The following AXL variants were observed in gnomAD, a reference collection of about 807,000 sequenced individuals.
AXL encodes the protein tyrosine-protein kinase receptor UFO.
In AXL, 52 loss-of-function variants were observed where a neutral mutation model predicts 104.5. The observed-to-expected ratio is 0.50, with a 90% CI of 0.40 to 0.63. AXL has a LOEUF of 0.63. AXL is among the 20% of genes least tolerant of loss of function. The pLI is 0.00. For missense variants in AXL, 1,024 were observed against 1,188.5 expected (o/e 0.86, Z 2.04); for synonymous variants, 455 against 473.7 (o/e 0.96, Z 0.51).
At chr19:41,228,741 G>A (rs999743479) in intron 4 of AXL, among the ~76,000 whole-genome samples, 20 of 152,120 alleles carry the variant, frequency 1.3e-4, no homozygotes, top group African/African-American at 4.8e-5. Context: ...AGCAGGGGAC[G>A]AAACAGACAC....
chr19:41,252,931 C>A lies in AXL; in HGVS notation c.1890C>A (p.Ser630Arg). Residue 630 changes from serine to arginine, a missense_variant, in exon 16 of 20, where the codon AGC (serine) becomes AGA (arginine). By Grantham distance (110) the Ser-to-Arg change is moderately radical. Around this residue, in one of 5 missense-constraint regions of AXL, gnomAD observed 523 missense variants for 636.0 expected, o/e 0.82. Transcript: ENST00000301178. ...TCATGAAACATGGAGACCTACACAG[C>A]TTCCTCCTCTATTCCCGGCTCGGGG... ...LPFMKHGDLH[S>R]FLLYSRLGDQ... is the part of the protein sequence containing the mutation. 1 of 1,614,152 alleles carries A rather than the reference C, an allele frequency of 6.2e-7. No homozygotes were observed. Among genetic ancestry groups the A allele is most frequent in the Non-Finnish European group, 8.5e-7 (1 of 1,180,008 alleles).
At position 41,248,815 on chromosome 19, in the gene AXL, T is replaced by C. The variant is rs913467939; in HGVS notation, c.1706T>C (p.Met569Thr). 3.1e-6 allele frequency: 5 copies of C among 1,610,652 alleles called. No individual in the cohort carries two copies. In the Admixed American group the frequency reaches 6.7e-5, roughly 22 times the overall value. The change falls in exon 14 of 20, where the codon ATG (methionine) becomes ACG (threonine). Residue 569 changes from methionine (M) to threonine (T), a missense_variant. Around this residue, in one of 5 missense-constraint regions of AXL, gnomAD observed 523 missense variants for 636.0 expected, o/e 0.82. Coordinates refer to ENST00000301178, the MANE Select transcript of AXL (RefSeq NM_021913.5). Reference protein sequence around the residue: ...DSILKVAVKTMKIAICTRSEL... With the variant: ...DSILKVAVKTTKIAICTRSEL... Reference sequence around the variant, plus strand: ...ATCCTCAAGGTGGCTGTGAAGACGATGAAGAGTGAGTTACGTGCACATGTG... The same window carrying C: ...ATCCTCAAGGTGGCTGTGAAGACGACGAAGAGTGAGTTACGTGCACATGTG...
intron 4 of AXL, chr19:41,226,902 T>C: frequency 1.6e-6 from 1 of 641,858 alleles, no homozygotes; most frequent in Non-Finnish European, 1.9e-6. Flanking sequence ...GAGAGCAGCC[T>C]GGGCAACGTG....
intron 6 of AXL, among the ~76,000 whole-genome samples, chr19:41,232,394 G>A (rs1460045217): frequency 6.6e-6 from 1 of 152,164 alleles, no homozygotes; most frequent in South Asian, 2.1e-4. Flanking sequence ...GGCCAAGGCT[G>A]GTGGATCACC....
chr19:41,249,922 G>A (rs2034334771), intron 14 of AXL, among the ~76,000 whole-genome samples: 1 of 152,230 alleles, frequency 6.6e-6, no homozygotes, highest in South Asian at 2.1e-4. Context: ...ATCCCAAGAG[G>A]AAACCACTAG....
At chr19:41,227,218 C>T (rs557170719) in intron 4 of AXL, among the ~76,000 whole-genome samples, 1 of 152,230 alleles carries the variant, frequency 6.6e-6, no homozygotes, top group Non-Finnish European at 1.5e-5. Context: ...TCCCCTTATT[C>T]ACCAGGATAC....
At position 41,242,901 on chromosome 19, in the gene AXL, CT is replaced by C; in HGVS notation, c.1332del (p.Ala445ProfsTer11). The C allele has an allele frequency of 6.2e-7, 1 of 1,614,208 alleles. No individual in the cohort carries two copies. Among genetic ancestry groups the C allele is most frequent in the Non-Finnish European group, 8.5e-7 (1 of 1,180,038 alleles). On this transcript the variant is annotated frameshift_variant, in exon 11 of 20. Transcript: ENST00000301178. LOFTEE classifies it high-confidence loss of function. The part of the protein sequence containing the change: ...VHQLVKEPST[P>X]AFSWPWWYVL... ...CTGATAGTGAAGGAACCTTCAACTCCTGCCTTCTCGTGGCCCTGGTGGTATG... is the reference window on the plus strand; with the variant it reads ...CTGATAGTGAAGGAACCTTCAACTCCGCCTTCTCGTGGCCCTGGTGGTATG...
At chr19:41,257,673 C>T in intron 19 of AXL, 44 bp downstream of exon 19, 1 of 1,610,998 alleles carries the variant, frequency 6.2e-7, no homozygotes, top group Non-Finnish European at 8.5e-7. Flanking sequence ...TCATTCCAAA[C>T]CCCTGACTAC....
chr19:41,221,435 G>T lies in AXL; in HGVS notation c.409+189G>T, dbSNP rs1447792866. 4 of 569,128 alleles carry T rather than the reference G, an allele frequency of 7.0e-6. No homozygotes were observed. The Admixed American group carries it at 1.0e-4, about 15-fold the overall frequency. 35.3% of individuals were successfully genotyped at this position (569,128 alleles called of 1,614,324 possible). A position where few individuals can be genotyped will look rare whatever the true frequency, so the allele number is the denominator to read the frequency against. On this transcript the variant is annotated intron_variant, in intron 3 of 19. Transcript: ENST00000301178. The stretch of plus-strand genomic sequence containing the variant: ...AAGCTGGGAGTCCATATAAGTTATG[G>T]TGCCAAGGCTGGGGGATTATATGTT...
At chr19:41,248,448 G>A in intron 12 of AXL, 66 bp from the exon 13 acceptor site, 2 of 1,446,926 alleles carry the variant, frequency 1.4e-6, no homozygotes, top group South Asian at 2.3e-5. Flanking sequence ...ATCCCTACTG[G>A]TGGGTGAATG....
intron 4 of AXL, 101 bp downstream of exon 4, chr19:41,222,157 C>A: frequency 8.0e-7 from 1 of 1,249,108 alleles, no homozygotes; most frequent in Non-Finnish European, 1.1e-6. Context: ...TCTGACTGTC[C>A]TTCTGTCCCT....
In AXL at chr19:41,238,504, G is replaced by A. The variant is rs145562073; in HGVS notation, c.1029G>A (p.Thr343=). ...GCCCCCCTGAGAACATTAGTGCTAC[G>A]CGGAATGGGAGCCAGGCCTTCGTGC... ...PLGPPENISA[T]RNGSQAFVHW... is the part of the protein sequence containing the mutation. Residue 343 remains threonine (T), a synonymous_variant, in exon 8 of 20, where the codon ACG becomes ACA. Coordinates refer to ENST00000301178, the MANE Select transcript of AXL (RefSeq NM_021913.5). 6.6e-5 allele frequency: 106 copies of A among 1,613,898 alleles called. No individual in the cohort carries two copies. The highest frequency in any genetic ancestry group is 8.6e-5 in the Non-Finnish European group (102 of 1,179,942).
chr19:41,243,791 G>A, intron 12 of AXL, 84 bp downstream of exon 12: 2 of 1,217,126 alleles, frequency 1.6e-6, no homozygotes, highest in Non-Finnish European at 2.4e-6. Flanking sequence ...GTACATGTGT[G>A]AGCCAAAAGT....
rs201106062 is a variant in AXL at position 41,248,616 on chromosome 19, C to G, written c.1633+7C>G. ...GGGAAGACTCTGGGAGAGGGTGAGT[C>G]CCCCGGCAGCATACACACATCCTTC... On this transcript the variant is annotated splice_region_variant and intron_variant, in intron 13 of 19. Coordinates refer to ENST00000301178, the MANE Select transcript of AXL (RefSeq NM_021913.5). The G allele has an allele frequency of 1.2e-6, 2 of 1,613,718 alleles. No homozygotes were observed. Among genetic ancestry groups the G allele is most frequent in the South Asian group, 2.2e-5 (2 of 91,068 alleles).
At position 41,232,997 on chromosome 19, in the gene AXL, C is replaced by CT. The variant is rs879854399; in HGVS notation, c.783+1709dup. Reference sequence around the variant, plus strand: ...GAAACTGTTTTTTGTTTTTTCTTTTCTTTTTTTTTTGAGACAGAGTCTCGC... The same window carrying CT: ...GAAACTGTTTTTTGTTTTTTCTTTTCTTTTTTTTTTTGAGACAGAGTCTCGC... On this transcript the variant is annotated intron_variant, in intron 6 of 19. Transcript: ENST00000301178. Among the ~76,000 whole-genome samples, 460 of 148,540 alleles carry CT rather than the reference C, an allele frequency of 3.1e-3. 5 individuals carry two copies. The highest frequency in any genetic ancestry group is 0.011 in the African/African-American group (435 of 40,626).
rs549864609 is a variant in AXL at position 41,237,592 on chromosome 19, C to T, written c.784-352C>T. ...ACTATTATTATCGGTGCTGACCACC[C>T]GCCATGCACTGTGGCATCCTTTGGG... On this transcript the variant is annotated intron_variant, in intron 6 of 19. Transcript: ENST00000301178. Among the ~76,000 whole-genome samples, 4 of 152,262 alleles carry T rather than the reference C, an allele frequency of 2.6e-5. No homozygotes were observed. In the South Asian group the frequency reaches 6.2e-4, roughly 24 times the overall value.
At chr19:41,233,442 C>T (rs1336595803) in intron 6 of AXL, among the ~76,000 whole-genome samples, 8 of 151,424 alleles carry the variant, frequency 5.3e-5, no homozygotes, top group Admixed American at 3.3e-4. Context: ...CCCAGCACTT[C>T]GGGGGGCTGA....
intron 12 of AXL, among the ~76,000 whole-genome samples, chr19:41,244,222 AAAAG>A (rs1414132800): frequency 6.6e-6 from 1 of 152,090 alleles, no homozygotes; most frequent in East Asian, 1.9e-4. Flanking sequence ...AAAAAAAAAT[AAAAG>A]AAAGAAAAGA....
chr19:41,234,661 A>T (rs1316161240), intron 6 of AXL, among the ~76,000 whole-genome samples: 1 of 152,250 alleles, frequency 6.6e-6, no homozygotes, highest in African/African-American at 2.4e-5. Flanking sequence ...AAGAACTGTG[A>T]TGCCCATTTT....
Sources: gnomAD v4.1 joint callset for allele counts (sites outside exome capture counted in the v4.1 genomes callset) on GRCh38, gnomAD v4.1.1 for gene constraint, gnomAD v4.1.1 regional missense constraint, MANE v1.5 for transcripts, NCBI Gene and HGNC (gene_info 2026-07-23, HGNC 2026-07-21) for gene names.